The following NRG1 variants were observed in gnomAD, a reference collection of about 807,000 sequenced individuals.
The protein encoded by NRG1 is pro-neuregulin-1, membrane-bound isoform.
NRG1 carries 18 observed loss-of-function variants against 63.8 expected under a neutral mutation model. The ratio of observed to expected loss-of-function variants is 0.28; its 90% CI spans 0.19 to 0.42. The LOEUF (loss-of-function observed/expected upper bound fraction) is 0.42, where lower values mean the gene tolerates loss of function less well. Among genes scored for constraint, NRG1 ranks in the 10% least tolerant of loss-of-function variants. The pLI is 1.00. For missense variants in NRG1, 762 were observed against 814.7 expected (o/e 0.94, Z 0.79); for synonymous variants, 302 against 301.3 (o/e 1.00, Z -0.02).
At chr8:31,933,960 G>A (rs538864648) in intron 1 of NRG1, among the ~76,000 whole-genome samples, 2 of 152,070 alleles carry the variant, frequency 1.3e-5, no homozygotes, top group East Asian at 3.9e-4. Context: ...ATGCAGCTAA[G>A]CCTGATCACT....
chr8:32,186,970 T>C (rs1563886072), intron 1 of NRG1, among the ~76,000 whole-genome samples: 1 of 152,168 alleles, frequency 6.6e-6, no homozygotes, highest in Non-Finnish European at 1.5e-5. Flanking sequence ...CTACTGAGCA[T>C]GTTGGGCTGC....
At chr8:32,636,627 C>T (rs1242821877) in intron 5 of NRG1, among the ~76,000 whole-genome samples, 1 of 152,068 alleles carries the variant, frequency 6.6e-6, no homozygotes. Flanking sequence ...TCTCAAGTCA[C>T]ATTATTCATA....
chr8:32,409,586 C>A (rs1433217676), intron 1 of NRG1, among the ~76,000 whole-genome samples: 2 of 152,106 alleles, frequency 1.3e-5, no homozygotes, highest in Non-Finnish European at 2.9e-5. Context: ...TGAGCCAACA[C>A]CCAGGATTCC....
intron 1 of NRG1, among the ~76,000 whole-genome samples, chr8:32,183,782 C>T (rs991005157): frequency 6.6e-6 from 1 of 152,106 alleles, no homozygotes; most frequent in African/African-American, 2.4e-5. Flanking sequence ...AACACTCCTC[C>T]AGGTCTCATT....
intron 1 of NRG1, among the ~76,000 whole-genome samples, chr8:31,991,378 C>CTCTTCTTCTTCTGT (rs141571361): frequency 6.7e-6 from 1 of 149,262 alleles, no homozygotes; most frequent in South Asian, 2.1e-4. Context: ...CCTCCTCCTC[C>CTCTTCTTCTTCTGT]TCTTCTTCTG....
At chr8:31,706,881 T>C (rs528894618) in intron 1 of NRG1, among the ~76,000 whole-genome samples, 21 of 152,194 alleles carry the variant, frequency 1.4e-4, no homozygotes, top group Non-Finnish European at 1.9e-4. Context: ...AAATATTTTA[T>C]TGTTGATCTT....
chr8:31,857,577 G>A (rs553288874), intron 1 of NRG1, among the ~76,000 whole-genome samples: 34 of 152,294 alleles, frequency 2.2e-4, no homozygotes, highest in East Asian at 7.7e-4. Flanking sequence ...CGTCTTCTGC[G>A]TCGCTCACAC....
intron 1 of NRG1, among the ~76,000 whole-genome samples, chr8:31,731,452 C>A (rs1031809209): frequency 1.4e-4 from 19 of 136,742 alleles, no homozygotes; most frequent in Non-Finnish European, 1.6e-5. Context: ...ACACATTTTA[C>A]AAAAACCAAA....
At chr8:32,115,461 AAG>A (rs757138159) in intron 1 of NRG1, among the ~76,000 whole-genome samples, 3 of 152,028 alleles carry the variant, frequency 2.0e-5, no homozygotes, top group African/African-American at 7.3e-5. Context: ...ATCACAAAAA[AAG>A]AGAAAATATA....
chr8:32,311,675 T>C (rs970167761), intron 1 of NRG1, among the ~76,000 whole-genome samples: 1 of 152,212 alleles, frequency 6.6e-6, no homozygotes, highest in Non-Finnish European at 1.5e-5. Flanking sequence ...ACGTGATTTA[T>C]ATTTTGCAGA....
chr8:32,486,009 C>T (rs532312069), intron 1 of NRG1, among the ~76,000 whole-genome samples: 1 of 152,126 alleles, frequency 6.6e-6, no homozygotes, highest in East Asian at 1.9e-4. Flanking sequence ...CTCACTGCAA[C>T]CTCCGCCTCC....
intron 1 of NRG1, among the ~76,000 whole-genome samples, chr8:32,358,474 T>C (rs749037277): frequency 6.6e-6 from 1 of 151,390 alleles, no homozygotes; most frequent in Non-Finnish European, 1.5e-5. Flanking sequence ...ACACTGAGAC[T>C]TAAGGGAGAA....
In NRG1 at chr8:31,869,048, C is replaced by T. The variant is rs138339926; in HGVS notation, c.37+229617C>T. On this transcript the variant is annotated intron_variant, in intron 1 of 10. Coordinates refer to the NRG1 transcript ENST00000519301. ...AATTGTGGTGAAGCAATTGTCAATTCCAGTTAAATTAGCTTAAAATGATAA... is the reference window on the plus strand; with the variant it reads ...AATTGTGGTGAAGCAATTGTCAATTTCAGTTAAATTAGCTTAAAATGATAA... Among the ~76,000 whole-genome samples the T allele has an allele frequency of 1.9e-3, 285 of 152,240 alleles. 5 individuals are homozygous for T. In the East Asian group the frequency reaches 0.049, roughly 26 times the overall value.
intron 1 of NRG1, among the ~76,000 whole-genome samples, chr8:32,049,159 C>A (rs1821575130): frequency 6.6e-6 from 1 of 152,236 alleles, no homozygotes; most frequent in African/African-American, 2.4e-5. Flanking sequence ...ATTTGCTCAG[C>A]TTTGATGCTA....
At chr8:31,873,999 G>A (rs542971382) in intron 1 of NRG1, among the ~76,000 whole-genome samples, 3 of 152,138 alleles carry the variant, frequency 2.0e-5, no homozygotes, top group Non-Finnish European at 4.4e-5. Context: ...GTGATTTTCT[G>A]TTGGAGTCTT....
intron 1 of NRG1, among the ~76,000 whole-genome samples, chr8:32,434,706 A>G (rs1818570259): frequency 6.6e-6 from 1 of 152,208 alleles, no homozygotes; most frequent in Admixed American, 6.6e-5. Context: ...GAGATTGCCA[A>G]AATAACTTAC....
At chr8:32,317,745 G>A (rs1800930335) in intron 1 of NRG1, among the ~76,000 whole-genome samples, 1 of 152,142 alleles carries the variant, frequency 6.6e-6, no homozygotes, top group African/African-American at 2.4e-5. Flanking sequence ...CCCTAATTGT[G>A]CTCTTTTAAA....
Position 31,928,356 on chromosome 8 carries a change from A to T in NRG1, c.37+288925A>T, listed in dbSNP as rs1344586219. ...TAGATTTTGGCATGGATGTGGTAAA[A>T]AAAAAAAAAAAAAAAAAAAAAGATG... On this transcript the variant is annotated intron_variant, in intron 1 of 10. Coordinates refer to the NRG1 transcript ENST00000519301. Among the ~76,000 whole-genome samples, 889 of 144,620 alleles carry T rather than the reference A, an allele frequency of 6.1e-3. 10 individuals carry two copies. The highest frequency in any genetic ancestry group is 0.022 in the African/African-American group (848 of 39,394). 94.9% of individuals were successfully genotyped at this position (144,620 alleles called of 152,430 possible). A position where few individuals can be genotyped will look rare whatever the true frequency, so the allele number is the denominator to read the frequency against.
chr8:31,885,974 G>T, intron 1 of NRG1, among the ~76,000 whole-genome samples: 1 of 152,018 alleles, frequency 6.6e-6, no homozygotes, highest in East Asian at 1.9e-4. Flanking sequence ...TAAGAATTTT[G>T]ACTGGTTAAG....
Sources: gnomAD v4.1 joint callset for allele counts (sites outside exome capture counted in the v4.1 genomes callset) on GRCh38, gnomAD v4.1.1 for gene constraint, MANE v1.5 for transcripts, NCBI Gene and HGNC (gene_info 2026-07-23, HGNC 2026-07-21) for gene names.